The following DLGAP2 variants were observed in gnomAD, a reference collection of about 807,000 sequenced individuals.
DLGAP2 encodes the protein DLG associated protein 2.
Under a neutral mutation model 100.3 loss-of-function variants are expected in DLGAP2, and 26 were observed. That is an observed-to-expected ratio of 0.26 (90% confidence interval 0.19 to 0.36). The LOEUF is 0.36. Among genes scored for constraint, DLGAP2 ranks in the 10% least tolerant of loss-of-function variants. The probability of loss-of-function intolerance (pLI) is 1.00; values close to 1 mark genes in which losing one functional copy is unlikely to be tolerated. For synonymous variants in DLGAP2, 886 were observed against 630.1 expected (o/e 1.41, Z -6.08); for missense variants, 1,858 against 1,453.2 (o/e 1.28, Z -4.53).
At chr8:1,158,640 T>A (rs1796835972) in intron 2 of DLGAP2, among the ~76,000 whole-genome samples, 1 of 152,242 alleles carries the variant, frequency 6.6e-6, no homozygotes, top group Non-Finnish European at 1.5e-5. Context: ...CCAGGTTGTT[T>A]GAACCCGCAG....
chr8:1,604,890 C>T (rs1035498362), intron 6 of DLGAP2: 4 of 152,144 alleles, frequency 2.6e-5, no homozygotes, highest in Admixed American at 1.3e-4. Flanking sequence ...CTGTGATAGG[C>T]CAGCCGTTAG....
chr8:1,593,571 C>G (rs754101211), intron 6 of DLGAP2, among the ~76,000 whole-genome samples: 7 of 152,288 alleles, frequency 4.6e-5, no homozygotes, highest in Non-Finnish European at 7.4e-5. Context: ...TCGGGAGATT[C>G]TCTCAAGAAT....
intron 6 of DLGAP2, among the ~76,000 whole-genome samples, chr8:1,571,671 G>A (rs1415462261): frequency 1.5e-5 from 2 of 131,968 alleles, no homozygotes; most frequent in South Asian, 5.5e-4. Flanking sequence ...AGAGAAGGGT[G>A]AACTGTGGGG....
intron 2 of DLGAP2, among the ~76,000 whole-genome samples, chr8:1,199,451 A>G (rs1490311991): frequency 6.6e-6 from 1 of 152,184 alleles, no homozygotes; most frequent in African/African-American, 2.4e-5. Flanking sequence ...AAAATGTTGG[A>G]TAAAAGTAGG....
chr8:1,680,386 C>A (rs1798915843), intron 12 of DLGAP2, among the ~76,000 whole-genome samples: 1 of 152,206 alleles, frequency 6.6e-6, no homozygotes, highest in Non-Finnish European at 1.5e-5. Context: ...GAATAACGGC[C>A]TTGGAGCCTC....
chr8:1,660,117 G>T (rs1798376192), intron 8 of DLGAP2, among the ~76,000 whole-genome samples: 1 of 152,040 alleles, frequency 6.6e-6, no homozygotes, highest in Admixed American at 6.6e-5. Context: ...TGTTTAGTTT[G>T]GTTGCCTGTG....
intron 1 of DLGAP2, among the ~76,000 whole-genome samples, chr8:759,173 G>GTTATCAATACCCCCCACAGCCTTCCCA (rs1563415652): frequency 2.9e-4 from 4 of 14,030 alleles, no homozygotes; most frequent in Non-Finnish European, 4.4e-4. Context: ...CAGCCTTCCC[G>GTTATCAATACCCCCCACAGCCTTCCCA]TTATCAATAC....
chr8:1,512,718 T>C (rs1800213730), intron 4 of DLGAP2, among the ~76,000 whole-genome samples: 1 of 152,272 alleles, frequency 6.6e-6, no homozygotes, highest in African/African-American at 2.4e-5. Flanking sequence ...CCCAGCTCGC[T>C]GTGTCCATGG....
chr8:1,060,303 CGGGCTCCCTCTGG>C (rs1563170142), intron 2 of DLGAP2, among the ~76,000 whole-genome samples: 5 of 150,710 alleles, frequency 3.3e-5, no homozygotes, highest in East Asian at 2.0e-4. Flanking sequence ...CCTCCCAAGG[CGGGCTCCCTCTGG>C]AGGCCCTGAG....
At chr8:890,351 T>C (rs1213125797) in intron 1 of DLGAP2, among the ~76,000 whole-genome samples, 1 of 152,134 alleles carries the variant, frequency 6.6e-6, no homozygotes, top group East Asian at 1.9e-4. Context: ...TGCAGGCGCC[T>C]GGATGAGTGT....
chr8:1,239,617 C>CCG (rs1798739774), intron 2 of DLGAP2, among the ~76,000 whole-genome samples: 1 of 68,950 alleles, frequency 1.5e-5, no homozygotes, highest in Non-Finnish European at 2.7e-5. Context: ...GTGTCTAGTT[C>CCG]TCTCACATGG....
chr8:1,327,021 A>C (rs926560745), intron 3 of DLGAP2, among the ~76,000 whole-genome samples: 4 of 150,968 alleles, frequency 2.6e-5, no homozygotes, highest in African/African-American at 9.9e-5. Flanking sequence ...CTAGGCAGTG[A>C]TTCTGAAGCA....
intron 1 of DLGAP2, among the ~76,000 whole-genome samples, chr8:764,634 CA>C: frequency 6.6e-6 from 1 of 152,192 alleles, no homozygotes; most frequent in South Asian, 2.1e-4. Context: ...TGTTATTGAT[CA>C]GTTATTTTTC....
chr8:1,317,397 G>T (rs560979337), intron 3 of DLGAP2, among the ~76,000 whole-genome samples: 1 of 138,822 alleles, frequency 7.2e-6, no homozygotes, highest in Non-Finnish European at 1.5e-5. Flanking sequence ...CTGTGCGAGT[G>T]CAGCGTCTCT....
At chr8:740,536 A>G (rs1179627543) in intron 1 of DLGAP2, among the ~76,000 whole-genome samples, 1 of 152,184 alleles carries the variant, frequency 6.6e-6, no homozygotes, top group African/African-American at 2.4e-5. Flanking sequence ...TCAGTTTTGA[A>G]ATTGGTAGAA....
intron 2 of DLGAP2, among the ~76,000 whole-genome samples, chr8:975,424 A>G (rs1308072970): frequency 6.6e-6 from 1 of 152,166 alleles, no homozygotes; most frequent in Non-Finnish European, 1.5e-5. Context: ...TCAAATCAAA[A>G]CCAGAAAAAG....
At chr8:1,239,973 A>G (rs1386752626) in intron 2 of DLGAP2, among the ~76,000 whole-genome samples, 2 of 136,690 alleles carry the variant, frequency 1.5e-5, no homozygotes, top group African/African-American at 5.7e-5. Flanking sequence ...TCTCACACAT[A>G]GCGTCTTGTC....
At chr8:1,382,792 A>C (rs2404293) in intron 3 of DLGAP2, among the ~76,000 whole-genome samples, 19,001 of 152,206 alleles carry the variant, frequency 0.12, 1,745 homozygotes, top group East Asian at 0.23. Flanking sequence ...GATTATAGCA[A>C]GAAATCAGAA....
chr8:1,093,961 A>T (rs1042114569), intron 2 of DLGAP2, among the ~76,000 whole-genome samples: 2 of 151,414 alleles, frequency 1.3e-5, no homozygotes. Context: ...TTGTGGATGG[A>T]TTGAAGTCCA....
Sources: allele counts gnomAD v4.1 joint callset (sites outside exome capture counted in the v4.1 genomes callset), GRCh38; gene constraint gnomAD v4.1.1; transcripts MANE v1.5; gene names NCBI Gene and HGNC (gene_info 2026-07-23, HGNC 2026-07-21).